DIAPH1: variants seen among roughly 807,000 people sequenced by gnomAD.
DIAPH1 encodes the protein diaphanous related formin 1, also known as protein diaphanous homolog 1.
DIAPH1 carries 46 observed loss-of-function variants against 140.7 expected under a neutral mutation model. That is an observed-to-expected ratio of 0.33 (90% CI 0.26 to 0.42). The LOEUF (loss-of-function observed/expected upper bound fraction) is 0.42, where lower values mean the gene tolerates loss of function less well. DIAPH1 is among the 10% of genes least tolerant of loss of function. The pLI is 1.00. For missense variants in DIAPH1, 1,310 were observed against 1,558.7 expected, an observed-to-expected ratio of 0.84 and a Z score of 2.69; for synonymous variants, 565 against 551.6, an observed-to-expected ratio of 1.02 and a Z score of -0.34.
intron 1 of DIAPH1, among the ~76,000 whole-genome samples, chr5:141,601,969 A>G (rs1303737470): frequency 6.6e-6 from 1 of 152,210 alleles, no homozygotes; most frequent in Non-Finnish European, 1.5e-5. Flanking sequence ...CTATGGGTAA[A>G]ATGGGAAATA....
intron 18 of DIAPH1, among the ~76,000 whole-genome samples, chr5:141,545,984 C>T (rs900504471): frequency 2.0e-5 from 3 of 152,166 alleles, no homozygotes; most frequent in Non-Finnish European, 4.4e-5. Context: ...AAACTAAATT[C>T]TAGATACATT....
At chr5:141,531,898 T>C (rs1300877593) in intron 19 of DIAPH1, among the ~76,000 whole-genome samples, 1 of 152,192 alleles carries the variant, frequency 6.6e-6, no homozygotes, top group Admixed American at 6.5e-5. Context: ...TCTCTGCCTA[T>C]AGTCTCCCCT....
At chr5:141,518,976 C>T (rs1349129163) in intron 27 of DIAPH1, 6 of 1,550,730 alleles carry the variant, frequency 3.9e-6, no homozygotes, top group Non-Finnish European at 2.6e-6. Context: ...TCCTCTACTT[C>T]CCAGGGGCAC....
chr5:141,560,770 G>T (rs1261809581), intron 18 of DIAPH1: 1 of 445,916 alleles, frequency 2.2e-6, no homozygotes, highest in African/African-American at 2.0e-5. Flanking sequence ...TTTTATTCAG[G>T]GTTGGGAAGG....
intron 1 of DIAPH1, among the ~76,000 whole-genome samples, chr5:141,615,898 T>C (rs1393452703): frequency 6.6e-6 from 1 of 152,234 alleles, no homozygotes; most frequent in East Asian, 1.9e-4. Flanking sequence ...CCGGTTCTAC[T>C]TATTCCCCTT....
chr5:141,537,273 C>T (rs1334214704), intron 18 of DIAPH1, among the ~76,000 whole-genome samples: 1 of 151,706 alleles, frequency 6.6e-6, no homozygotes, highest in African/African-American at 2.4e-5. Flanking sequence ...CACCTGAAGT[C>T]GGGAGTTCGA....
chr5:141,563,368 TATA>T (rs1270584441), intron 18 of DIAPH1: 1 of 152,192 alleles, frequency 6.6e-6, no homozygotes, highest in Non-Finnish European at 1.5e-5. Context: ...ATAATACTTA[TATA>T]ATACCTATTC....
At chr5:141,532,311 T>A (rs1489952355) in intron 19 of DIAPH1, among the ~76,000 whole-genome samples, 1 of 152,178 alleles carries the variant, frequency 6.6e-6, no homozygotes, top group Non-Finnish European at 1.5e-5. Flanking sequence ...AGTTGACTAC[T>A]GGCACACGCC....
In DIAPH1 at chr5:141,528,920, G is replaced by A. The variant is rs200688040; in HGVS notation, c.2800C>T (p.Arg934Trp). ...AAGAGAATGGCATTGAGGCGAGGCC[G>A]CAGTCGGGGCACAGTGCCCATCTAG... ...GVVMGTVPRL[R>W]PRLNAILFKL... is the part of the protein sequence containing the mutation. Residue 934 changes from arginine to tryptophan, a missense_variant, in exon 22 of 28, where the codon CGG becomes TGG. Around this residue, in one of 3 missense-constraint regions of DIAPH1, gnomAD observed 344 missense variants for 512.2 expected, o/e 0.67. Transcript: ENST00000389054. 9.7e-5 allele frequency: 156 copies of A among 1,613,808 alleles called. No homozygotes were observed. Among genetic ancestry groups the A allele is most frequent in the Non-Finnish European group, 1.3e-4 (148 of 1,180,048 alleles).
chr5:141,542,502 G>GA (rs1750154747), intron 18 of DIAPH1, among the ~76,000 whole-genome samples: 2 of 152,162 alleles, frequency 1.3e-5, no homozygotes, highest in Admixed American at 1.3e-4. Flanking sequence ...ATATGCAATG[G>GA]AATATTATTC....
Position 141,573,652 on chromosome 5 carries a change from G to C in DIAPH1, c.2198C>G (p.Pro733Arg), listed in dbSNP as rs2154596276. ...AGGTGGAGGAATGCCAGGGCCTCCGGGAAATGGAGGAGGTGGAGGGATTCC... is the reference window on the plus strand; with the variant it reads ...AGGTGGAGGAATGCCAGGGCCTCCGCGAAATGGAGGAGGTGGAGGGATTCC... ...GPGIPPPPPFPGGPGIPPPPP... is the reference protein window; with the variant it reads ...GPGIPPPPPFRGGPGIPPPPP... Residue 733 changes from proline (P) to arginine (R), a missense_variant, in exon 16 of 28, where the codon CCC (proline) becomes CGC (arginine). Pro to Arg is a moderately radical substitution (Grantham distance 103). Transcript: ENST00000389054. 1 of 1,612,976 alleles carries C rather than the reference G, an allele frequency of 6.2e-7. No homozygotes were observed. Among genetic ancestry groups the C allele is most frequent in the Admixed American group, 1.7e-5 (1 of 59,884 alleles).
chr5:141,579,210 A>G lies in DIAPH1; in HGVS notation c.825-14T>C. On this transcript the variant is annotated splice_polypyrimidine_tract_variant and intron_variant, in intron 8 of 27. Transcript: ENST00000389054. Reference sequence around the variant, plus strand: ...ACCCTTTCATTCCTGCCCAAGAGAAAGGAAACGGAGAGAACTTTCCAGGTA... The same window carrying G: ...ACCCTTTCATTCCTGCCCAAGAGAAGGGAAACGGAGAGAACTTTCCAGGTA... The G allele has an allele frequency of 6.2e-7, 1 of 1,606,648 alleles. No individual in the cohort carries two copies. Among genetic ancestry groups the G allele is most frequent in the East Asian group, 2.2e-5 (1 of 44,844 alleles).
In DIAPH1 at chr5:141,582,362, G is replaced by A. The variant is rs769781925; in HGVS notation, c.634C>T (p.Arg212Trp). 5 of 1,613,170 alleles carry A rather than the reference G, an allele frequency of 3.1e-6. No homozygotes were observed. The highest frequency in any genetic ancestry group is 1.3e-5 in the African/African-American group (1 of 74,974). Reference sequence around the variant, plus strand: ...CAGCGAATGATCTCATGCTTGTTCCGGCTATCGTAACTCCTGTATATAGAA... The same window carrying A: ...CAGCGAATGATCTCATGCTTGTTCCAGCTATCGTAACTCCTGTATATAGAA... Reference protein sequence around the residue: ...KEETAGSYDSRNKHEIIRCLK... With the variant: ...KEETAGSYDSWNKHEIIRCLK... The change falls in exon 7 of 28, where the codon CGG (arginine) becomes TGG (tryptophan). Residue 212 changes from arginine (R) to tryptophan (W), a missense_variant. This residue lies in a region of DIAPH1 where 377 missense variants were observed against 497.1 expected (regional missense o/e 0.76). Coordinates refer to ENST00000389054, the MANE Select transcript of DIAPH1 (RefSeq NM_005219.5).
intron 1 of DIAPH1, among the ~76,000 whole-genome samples, chr5:141,593,558 G>A (rs1034254874): frequency 3.9e-5 from 6 of 152,168 alleles, no homozygotes; most frequent in African/African-American, 1.4e-4. Flanking sequence ...GATCACTTCA[G>A]AGCTCCATTG....
At chr5:141,590,668 TG>T (rs1434156431) in intron 1 of DIAPH1, among the ~76,000 whole-genome samples, 5 of 151,630 alleles carry the variant, frequency 3.3e-5, no homozygotes, top group African/African-American at 7.3e-5. Flanking sequence ...CTAAGATAGA[TG>T]TAATGTAGAT....
At chr5:141,571,560 G>A in intron 17 of DIAPH1, 124 bp from the exon 18 acceptor site, 1 of 828,084 alleles carries the variant, frequency 1.2e-6, no homozygotes, top group East Asian at 2.5e-5. Context: ...AACTGTTAAA[G>A]ACTCTTTCCA....
At chr5:141,576,367 A>T (rs1346474091) in intron 13 of DIAPH1, 73 bp from the exon 14 acceptor site, 4 of 1,133,466 alleles carry the variant, frequency 3.5e-6, no homozygotes, top group South Asian at 1.2e-5. Context: ...ACACCCTTCC[A>T]AAGAACAGTC....
chr5:141,545,819 G>C (rs1401125725), intron 18 of DIAPH1, among the ~76,000 whole-genome samples: 1 of 152,150 alleles, frequency 6.6e-6, no homozygotes, highest in Admixed American at 6.5e-5. Flanking sequence ...AATAGTCATT[G>C]ACAATGACAA....
intron 18 of DIAPH1, among the ~76,000 whole-genome samples, chr5:141,548,770 G>A (rs1005157783): frequency 1.3e-5 from 2 of 151,830 alleles, no homozygotes; most frequent in Non-Finnish European, 2.9e-5. Context: ...TCATGCCACT[G>A]TACTCCAGCC....
Sources: allele counts gnomAD v4.1 joint callset (sites outside exome capture counted in the v4.1 genomes callset), GRCh38; gene constraint gnomAD v4.1.1; regional missense constraint gnomAD v4.1.1; transcripts MANE v1.5; gene names NCBI Gene and HGNC (gene_info 2026-07-23, HGNC 2026-07-21).